The following MBNL1 variants were observed in gnomAD, a reference collection of about 807,000 sequenced individuals.
MBNL1 encodes the protein muscleblind like splicing regulator 1, also known as muscleblind-like protein 1.
A neutral mutation model predicts 42.2 loss-of-function variants in MBNL1; 8 were observed. The observed-to-expected ratio is 0.19, with a 90% CI of 0.11 to 0.34. The LOEUF (loss-of-function observed/expected upper bound fraction) is 0.34, where lower values mean the gene tolerates loss of function less well. Among genes scored for constraint, MBNL1 ranks in the 10% least tolerant of loss-of-function variants. MBNL1 has a pLI of 1.00. For synonymous variants in MBNL1, 169 were observed against 173.9 expected, an observed-to-expected ratio of 0.97 and a Z score of 0.22; for missense variants, 309 against 495.3, an observed-to-expected ratio of 0.62 and a Z score of 3.57.
Position 152,453,307 on chromosome 3 carries a change from A to G in MBNL1, c.962-2235A>G, listed in dbSNP as rs192881803. Among the ~76,000 whole-genome samples the G allele has an allele frequency of 6.3e-3, 963 of 152,266 alleles. 9 individuals are homozygous for G. The highest frequency in any genetic ancestry group is 0.022 in the African/African-American group (916 of 41,548). On this transcript the variant is annotated intron_variant, in intron 6 of 9. Coordinates refer to ENST00000324210, the MANE Select transcript of MBNL1 (RefSeq NM_021038.5). ...CTACTCCAAGTAATTTTAAGTATGC[A>G]TACATCTTATTTGTAAATTATCATC...
intron 2 of MBNL1, among the ~76,000 whole-genome samples, chr3:152,365,207 C>T (rs1003635003): frequency 3.3e-5 from 5 of 152,028 alleles, no homozygotes; most frequent in South Asian, 2.1e-4. Flanking sequence ...AGTCCAAAAA[C>T]GCTTGTCAGT....
chr3:152,309,434 A>G (rs556422519), intron 2 of MBNL1, among the ~76,000 whole-genome samples: 1 of 152,346 alleles, frequency 6.6e-6, no homozygotes, highest in East Asian at 1.9e-4. Flanking sequence ...CAGACCTCAT[A>G]TGAGTACAGT....
intron 9 of MBNL1, among the ~76,000 whole-genome samples, chr3:152,461,480 T>C (rs1745789287): frequency 6.6e-6 from 1 of 152,210 alleles, no homozygotes; most frequent in Admixed American, 6.5e-5. Context: ...TTGGTATGTA[T>C]ATATTTAACT....
intron 2 of MBNL1, among the ~76,000 whole-genome samples, chr3:152,244,787 C>G (rs1252164130): frequency 1.3e-5 from 2 of 151,962 alleles, no homozygotes; most frequent in Non-Finnish European, 2.9e-5. Flanking sequence ...TCTTTCCCAG[C>G]TCTAGATTAT....
chr3:152,375,469 T>G (rs139288744), intron 2 of MBNL1, among the ~76,000 whole-genome samples: 1,753 of 152,182 alleles, frequency 0.012, 23 homozygotes, highest in African/African-American at 0.04. Flanking sequence ...AAGATTTAGA[T>G]CTGGGTGTGG....
chr3:152,244,345 G>A (rs2032387812), exon 2 of MBNL1: 1 of 152,194 alleles, frequency 6.6e-6, no homozygotes, highest in Non-Finnish European at 1.5e-5. Context: ...TGTAACTAGA[G>A]AAGAGAGTTG....
At chr3:152,310,820 TG>T (rs986043827) in intron 2 of MBNL1, among the ~76,000 whole-genome samples, 3 of 151,500 alleles carry the variant, frequency 2.0e-5, no homozygotes, top group South Asian at 2.1e-4. Context: ...ATAGACTGTT[TG>T]GGGGGGTTGG....
rs373909268 is a variant in MBNL1, at chr3:152,349,462, GA to G, written c.174+49103del. 6.1e-4 allele frequency among the ~76,000 whole-genome samples: 93 copies of G among 151,314 alleles called. No homozygotes were observed. The South Asian group carries it at 0.019, about 31-fold the overall frequency. On this transcript the variant is annotated intron_variant, in intron 2 of 9. Coordinates refer to ENST00000324210, the MANE Select transcript of MBNL1 (RefSeq NM_021038.5). Reference sequence around the variant, plus strand: ...ACATATCCATGGCATGTTAAAAAATGAAAAAAAATGGAAACTGACTTTGAAC... The same window carrying G: ...ACATATCCATGGCATGTTAAAAAATGAAAAAAATGGAAACTGACTTTGAAC...
chr3:152,270,468 G>A (rs1270227150), intron 1 of MBNL1, among the ~76,000 whole-genome samples: 1 of 152,178 alleles, frequency 6.6e-6, no homozygotes, highest in East Asian at 1.9e-4. Flanking sequence ...ACCAGCACAA[G>A]AGAGCCACTC....
At chr3:152,306,393 A>G (rs1285927536) in intron 2 of MBNL1, among the ~76,000 whole-genome samples, 1 of 152,156 alleles carries the variant, frequency 6.6e-6, no homozygotes, top group Non-Finnish European at 1.5e-5. Flanking sequence ...CATGGCTTCC[A>G]ACTTTAGGAT....
chr3:152,360,495 A>G (rs1406879918), intron 2 of MBNL1, among the ~76,000 whole-genome samples: 1 of 151,812 alleles, frequency 6.6e-6, no homozygotes, highest in Non-Finnish European at 1.5e-5. Context: ...TCCTGTCCCC[A>G]TCTCTCTCTG....
chr3:152,424,606 A>G (rs1580186698), intron 3 of MBNL1, among the ~76,000 whole-genome samples: 1 of 152,208 alleles, frequency 6.6e-6, no homozygotes. Context: ...GAACCAAAAA[A>G]CAGCCTGTAT....
intron 2 of MBNL1, among the ~76,000 whole-genome samples, chr3:152,332,435 A>C (rs1195042037): frequency 6.6e-6 from 1 of 152,174 alleles, no homozygotes; most frequent in African/African-American, 2.4e-5. Context: ...GAAATTCTGC[A>C]AAAAAATGTA....
intron 2 of MBNL1, among the ~76,000 whole-genome samples, chr3:152,406,304 C>A (rs1398107797): frequency 1.3e-5 from 2 of 152,152 alleles, no homozygotes; most frequent in Non-Finnish European, 2.9e-5. Flanking sequence ...AGCATCCCAT[C>A]ACAAGCAACT....
At chr3:152,438,157 A>G (rs1198395962) in intron 4 of MBNL1, among the ~76,000 whole-genome samples, 2 of 152,214 alleles carry the variant, frequency 1.3e-5, no homozygotes, top group Non-Finnish European at 2.9e-5. Context: ...TTATGGTGCA[A>G]AAAGAATTCA....
At chr3:152,385,050 T>G (rs1382844016) in intron 2 of MBNL1, among the ~76,000 whole-genome samples, 1 of 152,088 alleles carries the variant, frequency 6.6e-6, no homozygotes, top group African/African-American at 2.4e-5. Flanking sequence ...AGATTATACA[T>G]CCCTAGTAGA....
intron 8 of MBNL1, among the ~76,000 whole-genome samples, chr3:152,456,735 A>T (rs1734511326): frequency 6.6e-6 from 1 of 151,918 alleles, no homozygotes; most frequent in Non-Finnish European, 1.5e-5. Flanking sequence ...TGGTATATAC[A>T]GTTTCTTAGT....
At chr3:152,413,788 A>G (rs934903913) in intron 2 of MBNL1, among the ~76,000 whole-genome samples, 4 of 152,160 alleles carry the variant, frequency 2.6e-5, no homozygotes, top group African/African-American at 9.7e-5. Flanking sequence ...AGAAGTTGTC[A>G]AGGTGGTTGA....
At chr3:152,307,564 C>T (rs1026253791) in intron 2 of MBNL1, among the ~76,000 whole-genome samples, 15 of 152,042 alleles carry the variant, frequency 9.9e-5, no homozygotes, top group African/African-American at 3.4e-4. Flanking sequence ...AAAATCTCAT[C>T]GAGATAGTTA....
Sources: gnomAD v4.1 joint callset for allele counts (sites outside exome capture counted in the v4.1 genomes callset) on GRCh38, gnomAD v4.1.1 for gene constraint, MANE v1.5 for transcripts, NCBI Gene and HGNC (gene_info 2026-07-23, HGNC 2026-07-21) for gene names.